Variants in ADAMTSL3 observed in about 807,000 individuals in gnomAD.
ADAMTSL3 encodes the protein ADAMTS like 3.
ADAMTSL3 carries 128 observed loss-of-function variants against 201.7 expected under a neutral mutation model. That is an observed-to-expected ratio of 0.63 (90% CI 0.55 to 0.73). ADAMTSL3 has a LOEUF of 0.73. ADAMTSL3 is among the 30% of genes least tolerant of loss of function. ADAMTSL3 has a pLI of 0.00. For synonymous variants in ADAMTSL3, 738 were observed against 748.4 expected (o/e 0.99, Z 0.23); for missense variants, 1,990 against 2,119.6 (o/e 0.94, Z 1.20).
intron 4 of ADAMTSL3, among the ~76,000 whole-genome samples, chr15:83,791,590 G>A (rs2141826476): frequency 6.6e-6 from 1 of 152,320 alleles, no homozygotes; most frequent in South Asian, 2.1e-4. Context: ...CAGGCGCAGT[G>A]GCTCACGCCT....
rs141222982 is a variant in ADAMTSL3 at position 83,657,881 on chromosome 15, T to C, written c.69+2051T>C. On this transcript the variant is annotated intron_variant, in intron 2 of 29. Transcript: ENST00000286744. ...CAGCCCTGTGTCCCTGTCCGTGGGTTGGATGCTCTGTTTTTTCCGTAGGGT... is the reference window on the plus strand; with the variant it reads ...CAGCCCTGTGTCCCTGTCCGTGGGTCGGATGCTCTGTTTTTTCCGTAGGGT... 4.6e-3 allele frequency among the ~76,000 whole-genome samples: 701 copies of C among 152,308 alleles called. 9 individuals are homozygous for C. Among genetic ancestry groups the C allele is most frequent in the African/African-American group, 0.016 (654 of 41,564 alleles).
In ADAMTSL3 at chr15:83,773,723, A is replaced by C. The variant is rs977742118; in HGVS notation, c.317+73A>C. The C allele has an allele frequency of 3.3e-6, 5 of 1,516,678 alleles. No individual in the cohort carries two copies. In the East Asian group the frequency reaches 6.8e-5, roughly 21 times the overall value. 94.0% of individuals were successfully genotyped at this position (1,516,678 alleles called of 1,614,324 possible). ...TCTGGATGGGTGGAGAGGAGAGATA[A>C]CTTTATATGGCTTTGGAATGTACTG... is the stretch of plus-strand genomic sequence containing the variant. On this transcript the variant is annotated intron_variant, in intron 4 of 29. Transcript: ENST00000286744.
chr15:83,808,386 C>T (rs1052344518), intron 5 of ADAMTSL3, among the ~76,000 whole-genome samples: 3 of 152,166 alleles, frequency 2.0e-5, no homozygotes, highest in Non-Finnish European at 4.4e-5. Context: ...TGAAAAAATG[C>T]TTAACATCAC....
intron 8 of ADAMTSL3, among the ~76,000 whole-genome samples, chr15:83,870,438 AAG>A (rs2141826481): frequency 6.6e-6 from 1 of 152,348 alleles, no homozygotes; most frequent in Non-Finnish European, 1.5e-5. Context: ...TTTTGTCTAA[AAG>A]AGTAGGCATA....
chr15:83,867,283 A>G (rs72746981), intron 8 of ADAMTSL3, among the ~76,000 whole-genome samples: 3,310 of 152,306 alleles, frequency 0.022, 54 homozygotes, highest in Non-Finnish European at 0.035. Context: ...TCCATCTTAC[A>G]TACTGCCTAG....
chr15:83,776,921 A>G (rs188373618), intron 4 of ADAMTSL3, among the ~76,000 whole-genome samples: 1 of 139,026 alleles, frequency 7.2e-6, no homozygotes, highest in East Asian at 2.3e-4. Flanking sequence ...TTATGCCTGC[A>G]GAACAATTAG....
At chr15:83,744,052 G>A (rs8038389) in intron 3 of ADAMTSL3, among the ~76,000 whole-genome samples, 30,949 of 151,844 alleles carry the variant, frequency 0.2, 4,096 homozygotes, top group Middle Eastern at 0.38. Context: ...GGGTTTCACC[G>A]TGCTAGCCAG....
chr15:83,809,561 A>G (rs1428364500), intron 5 of ADAMTSL3, among the ~76,000 whole-genome samples: 2 of 152,184 alleles, frequency 1.3e-5, no homozygotes, highest in South Asian at 2.1e-4. Flanking sequence ...CTGGCAGTGT[A>G]TCTCCCCTTT....
At chr15:83,706,491 A>C (rs1224535192) in intron 3 of ADAMTSL3, among the ~76,000 whole-genome samples, 1 of 152,152 alleles carries the variant, frequency 6.6e-6, no homozygotes, top group East Asian at 1.9e-4. Flanking sequence ...AGACTATAAC[A>C]AGCCAATAAT....
At position 83,704,380 on chromosome 15, in the gene ADAMTSL3, G is replaced by T. The variant is rs745311144; in HGVS notation, c.70-9G>T. ...GCCTTATTTGTGACCAAATGATCTT[G>T]TTTTTCAGACCACAGCTGAGAAATC... On this transcript the variant is annotated splice_polypyrimidine_tract_variant and intron_variant, in intron 2 of 29. Coordinates refer to ENST00000286744, the MANE Select transcript of ADAMTSL3 (RefSeq NM_207517.3). 1.2e-6 allele frequency: 2 copies of T among 1,614,152 alleles called. No homozygotes were observed. Among genetic ancestry groups the T allele is most frequent in the African/African-American group, 2.7e-5 (2 of 75,046 alleles).
chr15:83,870,385 A>G (rs1302171065), intron 8 of ADAMTSL3, among the ~76,000 whole-genome samples: 1 of 152,236 alleles, frequency 6.6e-6, no homozygotes, highest in Middle Eastern at 3.2e-3. Context: ...TTCAAAATCA[A>G]AAGTTTTGTT....
chr15:83,770,605 A>T (rs1567133257), intron 3 of ADAMTSL3, among the ~76,000 whole-genome samples: 1 of 152,212 alleles, frequency 6.6e-6, no homozygotes, highest in Admixed American at 6.5e-5. Context: ...TTTTATTGCT[A>T]TATCTAAGAT....
intron 7 of ADAMTSL3, among the ~76,000 whole-genome samples, chr15:83,848,262 T>G (rs745321089): frequency 1.2e-4 from 19 of 152,254 alleles, no homozygotes; most frequent in Non-Finnish European, 2.6e-4. Flanking sequence ...TTTTCCTTGT[T>G]TTACCTTGGA....
intron 3 of ADAMTSL3, among the ~76,000 whole-genome samples, chr15:83,772,271 T>C (rs1292859672): frequency 6.6e-6 from 1 of 152,214 alleles, no homozygotes; most frequent in Middle Eastern, 3.2e-3. Context: ...TAGATAAACT[T>C]GGAGAGAAGT....
chr15:83,988,907 A>G lies in ADAMTSL3; in HGVS notation c.3844+89A>G, dbSNP rs777261284. 2.1e-5 allele frequency: 17 copies of G among 820,806 alleles called. No individual in the cohort carries two copies. The South Asian group carries it at 3.9e-4, about 19-fold the overall frequency. The allele number at this position is 820,806 out of a possible 1,614,324, so 50.8% of individuals were successfully genotyped here. On this transcript the variant is annotated intron_variant, in intron 22 of 29. Transcript: ENST00000286744. ...TATTTATTTTTTTTTTTTGAGACAG[A>G]GTCTCGCTCTGTCGCCCAGGCTGGA... is the stretch of plus-strand genomic sequence containing the variant.
intron 19 of ADAMTSL3, chr15:83,961,860 T>G (rs2066976665): frequency 6.6e-6 from 1 of 152,244 alleles, no homozygotes; most frequent in Non-Finnish European, 1.5e-5. Flanking sequence ...CTAACAATTA[T>G]ATTATAGAAC....
At chr15:83,983,400 C>A (rs1596497535) in intron 21 of ADAMTSL3, 56 bp downstream of exon 21, 2 of 1,207,356 alleles carry the variant, frequency 1.7e-6, no homozygotes, top group South Asian at 2.1e-5. Context: ...AATGGCTATT[C>A]CAGTTTTCTT....
At chr15:83,957,506 G>C (rs1314728323) in intron 19 of ADAMTSL3, among the ~76,000 whole-genome samples, 1 of 152,162 alleles carries the variant, frequency 6.6e-6, no homozygotes, top group Non-Finnish European at 1.5e-5. Flanking sequence ...AGAGAATGAA[G>C]AAGCAGTTGG....
intron 4 of ADAMTSL3, among the ~76,000 whole-genome samples, chr15:83,775,959 C>T (rs1243725332): frequency 6.6e-6 from 1 of 152,214 alleles, no homozygotes; most frequent in Admixed American, 6.5e-5. Flanking sequence ...GTGCCCACAT[C>T]TGGTTCACAG....
Sources: allele counts gnomAD v4.1 joint callset (sites outside exome capture counted in the v4.1 genomes callset), GRCh38; gene constraint gnomAD v4.1.1; transcripts MANE v1.5; gene names NCBI Gene and HGNC (gene_info 2026-07-23, HGNC 2026-07-21).